Variants in TTLL7 observed in about 807,000 individuals in gnomAD.
The protein encoded by TTLL7 is tubulin tyrosine ligase like 7.
A neutral mutation model predicts 120.2 loss-of-function variants in TTLL7; 53 were observed. That is an observed-to-expected ratio of 0.44 (90% CI 0.35 to 0.55). The LOEUF (loss-of-function observed/expected upper bound fraction) is 0.55. TTLL7 is among the 20% of genes least tolerant of loss of function. TTLL7 has a pLI of 0.00. For synonymous variants in TTLL7, 353 were observed against 351.7 expected (o/e 1.00, Z -0.04); for missense variants, 803 against 1,054.7 (o/e 0.76, Z 3.31).
At position 83,883,197 on chromosome 1, in the gene TTLL7, T is replaced by C. The variant is rs573459197; in HGVS notation, c.2370-61A>G. On this transcript the variant is annotated intron_variant, in intron 19 of 20. Transcript: ENST00000260505. ...CTGTTAAAAATGACAACCAGCTATA[T>C]ATCACTTCCCTAGCAACAAACCAAT... 8.6e-6 allele frequency: 12 copies of C among 1,392,304 alleles called. No homozygotes were observed. In the South Asian group the frequency reaches 1.3e-4, roughly 15 times the overall value. The allele number at this position is 1,392,304 out of a possible 1,614,324, so 86.2% of individuals were successfully genotyped here.
At chr1:83,943,515 GC>G (rs1648180767) in intron 6 of TTLL7, among the ~76,000 whole-genome samples, 1 of 152,206 alleles carries the variant, frequency 6.6e-6, no homozygotes, top group South Asian at 2.1e-4. Context: ...AAAATTGGGA[GC>G]TTTTTTGTTG....
At chr1:83,966,379 A>G (rs1650466313) in intron 1 of TTLL7, among the ~76,000 whole-genome samples, 1 of 150,946 alleles carries the variant, frequency 6.6e-6, no homozygotes, top group African/African-American at 2.4e-5. Context: ...CTGTCTCTCT[A>G]TCTCCCCCCA....
intron 20 of TTLL7, among the ~76,000 whole-genome samples, chr1:83,878,494 CAGGCCCTGAACTCCTATTTTATCCCCT>C (rs1654150531): frequency 6.6e-6 from 1 of 151,916 alleles, no homozygotes; most frequent in Non-Finnish European, 1.5e-5. Flanking sequence ...GCATCTTTGG[CAGGCCCTGAACTCCTATTTTATCCCCT>C]AGGCCCACAC....
chr1:83,901,307 T>C (rs776112648), intron 18 of TTLL7, among the ~76,000 whole-genome samples: 2 of 151,978 alleles, frequency 1.3e-5, no homozygotes, highest in Non-Finnish European at 2.9e-5. Flanking sequence ...CTTTTTTACA[T>C]AGAAAGCTGC....
chr1:83,870,814 G>A (rs1470000272), intron 20 of TTLL7, among the ~76,000 whole-genome samples: 1 of 151,528 alleles, frequency 6.6e-6, no homozygotes, highest in African/African-American at 2.4e-5. Flanking sequence ...GGAGGCTGAG[G>A]CCAGGGAATC....
At chr1:83,887,525 G>A (rs75583833) in intron 19 of TTLL7, among the ~76,000 whole-genome samples, 6,353 of 152,122 alleles carry the variant, frequency 0.042, 156 homozygotes, top group Middle Eastern at 0.099. Flanking sequence ...AATAAAATCC[G>A]ATATTAAACT....
intron 1 of TTLL7, chr1:83,979,095 A>G (rs998252925): frequency 1.3e-5 from 2 of 152,204 alleles, no homozygotes; most frequent in African/African-American, 4.8e-5. Flanking sequence ...TACACAAACA[A>G]CCAGTTCACG....
At chr1:83,952,019 A>C (rs1011430360) in intron 2 of TTLL7, 43 bp from the exon 3 acceptor site, 1 of 1,582,404 alleles carries the variant, frequency 6.3e-7, no homozygotes, top group Non-Finnish European at 8.6e-7. Flanking sequence ...TGAAAACAAA[A>C]ATCTATACCA....
chr1:83,939,673 G>A (rs1383189890), intron 7 of TTLL7, among the ~76,000 whole-genome samples: 1 of 152,100 alleles, frequency 6.6e-6, no homozygotes, highest in Non-Finnish European at 1.5e-5. Context: ...ATTTTTCAAG[G>A]ATTGGCCAAC....
chr1:83,993,916 A>G (rs1272682239), intron 1 of TTLL7, among the ~76,000 whole-genome samples: 1 of 152,252 alleles, frequency 6.6e-6, no homozygotes, highest in Non-Finnish European at 1.5e-5. Flanking sequence ...AGAATACTCA[A>G]GCTTATTTAA....
chr1:83,871,688 G>A (rs1441351067), intron 20 of TTLL7, among the ~76,000 whole-genome samples: 1 of 151,996 alleles, frequency 6.6e-6, no homozygotes, highest in African/African-American at 2.4e-5. Context: ...GAGGTCAGGA[G>A]ATCGAGACCA....
chr1:83,918,940 A>G (rs1658414331), intron 13 of TTLL7, among the ~76,000 whole-genome samples: 1 of 152,102 alleles, frequency 6.6e-6, no homozygotes, highest in Admixed American at 6.6e-5. Context: ...GCTCCCTTTT[A>G]GAATCCTGAG....
At chr1:83,908,368 A>C (rs1215725502) in intron 15 of TTLL7, among the ~76,000 whole-genome samples, 8 of 152,132 alleles carry the variant, frequency 5.3e-5, no homozygotes, top group Non-Finnish European at 1.2e-4. Context: ...TATGCAGATT[A>C]TCCTAACGGA....
intron 20 of TTLL7, among the ~76,000 whole-genome samples, chr1:83,870,947 C>A (rs1480556397): frequency 2.0e-5 from 3 of 150,600 alleles, no homozygotes; most frequent in African/African-American, 7.3e-5. Flanking sequence ...TTGCATGTAA[C>A]CCTTGCAGCC....
At chr1:83,992,431 A>C (rs1653084348) in intron 1 of TTLL7, among the ~76,000 whole-genome samples, 1 of 131,634 alleles carries the variant, frequency 7.6e-6, no homozygotes, top group Non-Finnish European at 1.7e-5. Flanking sequence ...TTTTTCCTCA[A>C]ATACTCTAAA....
At chr1:83,888,707 CAA>C (rs1183615431) in intron 19 of TTLL7, among the ~76,000 whole-genome samples, 1 of 151,662 alleles carries the variant, frequency 6.6e-6, no homozygotes, top group Admixed American at 6.6e-5. Context: ...ATCTGAAAAA[CAA>C]TGAGTTTTTT....
rs113374220 is a variant in TTLL7, at chr1:83,894,465, A to G, written c.2209-3984T>C. 4.6e-3 allele frequency among the ~76,000 whole-genome samples: 693 copies of G among 152,274 alleles called. 1 individual carries two copies. The highest frequency in any genetic ancestry group is 7.4e-3 in the Non-Finnish European group (505 of 68,016). On this transcript the variant is annotated intron_variant, in intron 18 of 20. Transcript: ENST00000260505. ...TACACTTCAAGGGCAACTAACATGT[A>G]TCATCCGCCTGCTCTATGCAAAACA...
chr1:83,929,739 G>A (rs1046932106), intron 9 of TTLL7, among the ~76,000 whole-genome samples: 6 of 152,076 alleles, frequency 3.9e-5, no homozygotes, highest in Non-Finnish European at 8.8e-5. Flanking sequence ...AAAAGAGCTG[G>A]AGTGTTTGTT....
chr1:83,893,946 T>C (rs758049194), intron 18 of TTLL7, among the ~76,000 whole-genome samples: 2 of 152,146 alleles, frequency 1.3e-5, no homozygotes, highest in Non-Finnish European at 2.9e-5. Context: ...AAATGCTTCA[T>C]TATAAAGAGG....
Sources: gnomAD v4.1 joint callset for allele counts (sites outside exome capture counted in the v4.1 genomes callset) on GRCh38, gnomAD v4.1.1 for gene constraint, MANE v1.5 for transcripts, NCBI Gene and HGNC (gene_info 2026-07-23, HGNC 2026-07-21) for gene names.